Variants in PDILT observed in about 807,000 individuals in gnomAD.
PDILT encodes the protein protein disulfide isomerase like, testis expressed, also known as protein disulfide-isomerase-like protein of the testis.
PDILT carries 43 observed loss-of-function variants against 53.7 expected under a neutral mutation model. That is an observed-to-expected ratio of 0.80 (90% CI 0.63 to 1.03). The LOEUF (loss-of-function observed/expected upper bound fraction) is 1.03. Among genes scored for constraint, PDILT ranks in the 50% least tolerant of loss-of-function variants. The pLI, the probability that PDILT is intolerant of heterozygous loss-of-function variation, is 0.00. For synonymous variants in PDILT, 282 were observed against 274.2 expected (o/e 1.03, Z -0.28); for missense variants, 727 against 712.3 (o/e 1.02, Z -0.24).
At chr16:20,364,495 T>C (rs754341145) in intron 9 of PDILT, among the ~76,000 whole-genome samples, 5 of 152,216 alleles carry the variant, frequency 3.3e-5, no homozygotes, top group African/African-American at 4.8e-5. Context: ...ATCTGTGACA[T>C]GGGGAAAACC....
intron 2 of PDILT, among the ~76,000 whole-genome samples, chr16:20,388,504 A>AT (rs1453219011): frequency 1.3e-5 from 2 of 152,212 alleles, no homozygotes; most frequent in African/African-American, 4.8e-5. Flanking sequence ...TAATGGGGGC[A>AT]TGTTTTTCAT....
At chr16:20,397,702 G>C (rs1966680503) in intron 2 of PDILT, among the ~76,000 whole-genome samples, 1 of 152,198 alleles carries the variant, frequency 6.6e-6, no homozygotes, top group African/African-American at 2.4e-5. Flanking sequence ...ACAGCCGCGA[G>C]GAGGAGCATA....
intron 3 of PDILT, among the ~76,000 whole-genome samples, chr16:20,382,180 G>A (rs897024762): frequency 1.3e-5 from 2 of 152,304 alleles, no homozygotes; most frequent in Admixed American, 1.3e-4. Flanking sequence ...ATTACAGGTT[G>A]AGCCACTGCA....
chr16:20,385,789 A>G (rs1181553236), intron 2 of PDILT, among the ~76,000 whole-genome samples: 1 of 152,206 alleles, frequency 6.6e-6, no homozygotes. Flanking sequence ...GATCACATTT[A>G]TGGAATTGTT....
In PDILT at chr16:20,375,079, C is replaced by A. The variant is rs1003211773; in HGVS notation, c.544-120G>T. 4 of 1,138,998 alleles carry A rather than the reference C, an allele frequency of 3.5e-6. No individual in the cohort carries two copies. The Admixed American group carries it at 7.7e-5, about 22-fold the overall frequency. 70.6% of individuals were successfully genotyped at this position (1,138,998 alleles called of 1,614,324 possible). ...TCACTTTTTCAAGTTCTGGGGTTTG[C>A]CTGGGTCACCCAAATCCTCTTTCAT... On this transcript the variant is annotated intron_variant, in intron 4 of 11. Coordinates refer to ENST00000302451, the MANE Select transcript of PDILT (RefSeq NM_174924.2).
At chr16:20,396,557 G>C (rs141649455) in intron 2 of PDILT, among the ~76,000 whole-genome samples, 56 of 152,262 alleles carry the variant, frequency 3.7e-4, no homozygotes, top group African/African-American at 1.3e-3. Context: ...CATTTGCATT[G>C]GCCTGGGAAT....
At chr16:20,377,462 CA>C (rs1223787137) in intron 3 of PDILT, among the ~76,000 whole-genome samples, 1 of 152,096 alleles carries the variant, frequency 6.6e-6, no homozygotes, top group East Asian at 1.9e-4. Context: ...TGAACAGAAA[CA>C]AACACATTAC....
intron 2 of PDILT, among the ~76,000 whole-genome samples, chr16:20,397,328 G>T (rs1192988913): frequency 6.6e-6 from 1 of 152,116 alleles, no homozygotes; most frequent in African/African-American, 2.4e-5. Flanking sequence ...TTTTGGTAAA[G>T]ATGGGGTTCT....
chr16:20,395,428 A>G (rs1966650719), intron 2 of PDILT, among the ~76,000 whole-genome samples: 1 of 152,158 alleles, frequency 6.6e-6, no homozygotes, highest in Non-Finnish European at 1.5e-5. Flanking sequence ...GTGCAGTGCA[A>G]TGCAAGAAGC....
chr16:20,362,807 C>T (rs1429519998), intron 9 of PDILT, among the ~76,000 whole-genome samples: 1 of 152,026 alleles, frequency 6.6e-6, no homozygotes, highest in Non-Finnish European at 1.5e-5. Context: ...GGTGCAGTGG[C>T]TCACACCTGT....
chr16:20,399,393 G>T, intron 1 of PDILT, 86 bp from the exon 2 acceptor site: 1 of 1,417,072 alleles, frequency 7.1e-7, no homozygotes, highest in Non-Finnish European at 9.7e-7. Flanking sequence ...TGTCCAGCTG[G>T]TCCATGTAGG....
intron 2 of PDILT, 97 bp downstream of exon 2, chr16:20,399,002 A>T: frequency 8.2e-7 from 1 of 1,224,072 alleles, no homozygotes; most frequent in Non-Finnish European, 1.2e-6. Flanking sequence ...ATGTGTTCTT[A>T]TGTGTTTAGC....
At chr16:20,380,461 G>A (rs761010991) in intron 3 of PDILT, among the ~76,000 whole-genome samples, 13 of 151,774 alleles carry the variant, frequency 8.6e-5, no homozygotes, top group Non-Finnish European at 1.5e-4. Context: ...CTCAGCCTCC[G>A]GAGTAGCTGA....
intron 1 of PDILT, 51 bp from the exon 2 acceptor site, chr16:20,399,358 C>G (rs1417098492): frequency 2.5e-6 from 4 of 1,572,480 alleles, no homozygotes; most frequent in Non-Finnish European, 3.5e-6. Flanking sequence ...GGTGGTGGAG[C>G]CCCACGTCAT....
chr16:20,375,809 T>C lies in PDILT; in HGVS notation c.543+259A>G, dbSNP rs556735158. 2.0e-5 allele frequency among the ~76,000 whole-genome samples: 3 copies of C among 149,382 alleles called. No homozygotes were observed. The East Asian group carries it at 5.8e-4, about 29-fold the overall frequency. ...GGCTCTGAAACCAGAAACTAAGACA[T>C]CCTTTTATTAAGTGATGTTCTAAAT... On this transcript the variant is annotated intron_variant, in intron 4 of 11. Transcript: ENST00000302451.
chr16:20,389,892 A>G (rs1966587855), intron 2 of PDILT, among the ~76,000 whole-genome samples: 1 of 152,086 alleles, frequency 6.6e-6, no homozygotes, highest in Non-Finnish European at 1.5e-5. Flanking sequence ...ACGTTTTGCA[A>G]GGTCTGGAGG....
chr16:20,400,052 ATC>A (rs61410574), intron 1 of PDILT, among the ~76,000 whole-genome samples: 1,606 of 126,520 alleles, frequency 0.013, 20 homozygotes, highest in African/African-American at 0.041. Context: ...CTATCTATCT[ATC>A]TATATATATA....
intron 3 of PDILT, among the ~76,000 whole-genome samples, chr16:20,380,531 T>C (rs1642192297): frequency 6.6e-6 from 1 of 152,092 alleles, no homozygotes; most frequent in South Asian, 2.1e-4. Flanking sequence ...AGAGATGGGG[T>C]TTCACCATCT....
At chr16:20,399,011 G>A in intron 2 of PDILT, 88 bp downstream of exon 2, 4 of 1,338,832 alleles carry the variant, frequency 3.0e-6, no homozygotes, top group Non-Finnish European at 4.2e-6. Context: ...TATGTGTTTA[G>A]CAATATATAA....
Sources: gnomAD v4.1 joint callset for allele counts (sites outside exome capture counted in the v4.1 genomes callset) on GRCh38, gnomAD v4.1.1 for gene constraint, MANE v1.5 for transcripts, NCBI Gene and HGNC (gene_info 2026-07-23, HGNC 2026-07-21) for gene names.